Variants in TRPM5 observed in about 807,000 individuals in gnomAD.
TRPM5 encodes the protein transient receptor potential cation channel subfamily M member 5, also known as MLSN1 and TRP-related.
A neutral mutation model predicts 124.9 loss-of-function variants in TRPM5; 121 were observed. The observed-to-expected ratio is 0.97, with a 90% CI of 0.84 to 1.13. The LOEUF (loss-of-function observed/expected upper bound fraction) is 1.13, where lower values mean the gene tolerates loss of function less well. Among genes scored for constraint, TRPM5 ranks in the 50% most tolerant of loss-of-function variants. The pLI is 0.00. For missense variants in TRPM5, 1,643 were observed against 1,589.1 expected (o/e 1.03, Z -0.58); for synonymous variants, 781 against 700.5 (o/e 1.11, Z -1.81).
the TRPM5 span, among the ~76,000 whole-genome samples, chr11:2,430,111 TC>T: frequency 6.6e-6 from 1 of 152,252 alleles, no homozygotes. Flanking sequence ...GTCATGTTCC[TC>T]CCCGCCTACA....
At chr11:2,418,458 G>A (rs1845719865) in intron 5 of TRPM5, 69 bp downstream of exon 10, 1 of 1,558,484 alleles carries the variant, frequency 6.4e-7, no homozygotes. Flanking sequence ...CTGTCCCAGG[G>A]GTGCCCAGAA....
chr11:2,414,665 G>C (rs748482011), intron 11 of TRPM5, 50 bp downstream of exon 16: 11 of 1,479,878 alleles, frequency 7.4e-6, no homozygotes, highest in Non-Finnish European at 8.0e-6. Flanking sequence ...CGACCCCTCC[G>C]TCACATCCTC....
At chr11:2,414,952 G>A (rs1333244162) in exon 10 of TRPM5, 12 of 1,606,896 alleles carry the variant, frequency 7.5e-6, no homozygotes, top group Admixed American at 5.0e-5. Flanking sequence ...TCTGCAGCAC[G>A]GCCCACAGGA....
At chr11:2,442,317 T>C in the TRPM5 span, among the ~76,000 whole-genome samples, 3 of 152,130 alleles carry the variant, frequency 2.0e-5, no homozygotes, top group African/African-American at 7.2e-5. This position sits in a 1 kb window ranked among gnomAD's most constrained non-coding sequence, Gnocchi z 5.9. Context: ...ATTTTTTAAA[T>C]CTGTATCACT....
rs962086862 is a variant in TRPM5 at position 2,406,205 on chromosome 11, C to G, written c.3252-114G>C. The G allele has an allele frequency of 5.4e-6, 6 of 1,109,082 alleles. No homozygotes were observed. The African/African-American group carries it at 9.2e-5, about 17-fold the overall frequency. The allele number at this position is 1,109,082 out of a possible 1,614,324, so 68.7% of individuals were successfully genotyped here. On this transcript the variant is annotated intron_variant, in intron 21 of 23. Coordinates refer to ENST00000155858, the Ensembl canonical transcript of TRPM5. ...TGCCCGAGTTTGGGGTGCCCTGGCCCTTTCCCTTCCTCCCTCATGCCCAGA... is the reference window on the plus strand; with the variant it reads ...TGCCCGAGTTTGGGGTGCCCTGGCCGTTTCCCTTCCTCCCTCATGCCCAGA...
chr11:2,406,985 A>G (rs1223866050), intron 20 of TRPM5, 134 bp downstream of exon 25: 6 of 1,320,520 alleles, frequency 4.5e-6, no homozygotes, highest in Admixed American at 5.7e-5. Flanking sequence ...GCCAGCCTGC[A>G]CAGAGCCCAG....
At chr11:2,406,594 C>A in intron 21 of TRPM5, 67 bp downstream of exon 26, 1 of 1,531,926 alleles carries the variant, frequency 6.5e-7, no homozygotes, top group South Asian at 1.3e-5. Context: ...CTGTCACTGG[C>A]GCCAATGGCA....
At chr11:2,413,345 C>G (rs192366667) in intron 13 of TRPM5, 119 bp from the exon 19 acceptor site, 15 of 1,307,540 alleles carry the variant, frequency 1.1e-5, no homozygotes, top group African/African-American at 1.5e-5. Context: ...GAGTGGGACC[C>G]GCAGGGAGGC....
At chr11:2,420,016 A>G (rs1845745517) in intron 4 of TRPM5, among the ~76,000 whole-genome samples, 1 of 152,036 alleles carries the variant, frequency 6.6e-6, no homozygotes, top group South Asian at 2.1e-4. Context: ...TGCCTCCTTC[A>G]CCACTCTGCC....
Position 2,415,471 on chromosome 11 carries a change from AC to A in TRPM5, c.1129-1del. On this transcript the variant is annotated splice_acceptor_variant, in intron 8 of 23. Transcript: ENST00000155858. LOFTEE classifies it high-confidence loss of function. ...ACCATCACCTCCTCCAGGTCACAGG[AC>A]TTGGCGGCCATGGGCACCCGAGGGA... 6.4e-7 allele frequency: 1 copy of A among 1,557,078 alleles called. No individual in the cohort carries two copies. The highest frequency in any genetic ancestry group is 1.7e-4 in the Middle Eastern group (1 of 5,884).
intron 2 of TRPM5, among the ~76,000 whole-genome samples, chr11:2,421,759 C>T (rs2133534840): frequency 6.6e-6 from 1 of 152,296 alleles, no homozygotes; most frequent in African/African-American, 2.4e-5. Context: ...CTGTATACAC[C>T]CGGGTGCTCT....
exon 24 of TRPM5, chr11:2,404,862 C>T (rs536895776): frequency 4.5e-5 from 59 of 1,302,674 alleles, no homozygotes; most frequent in Admixed American, 1.6e-4. Flanking sequence ...CGCTGGAGGT[C>T]GGCAAAGGTC....
chr11:2,410,320 A>G (rs934147919), intron 18 of TRPM5, among the ~76,000 whole-genome samples: 9 of 152,150 alleles, frequency 5.9e-5, no homozygotes, highest in African/African-American at 2.2e-4. Context: ...ACAAATATTT[A>G]TCGAGGGTCC....
At chr11:2,424,489 T>A (rs1845819328), upstream of TRPM5, among the ~76,000 whole-genome samples, 1 of 152,208 alleles carries the variant, frequency 6.6e-6, no homozygotes, top group Non-Finnish European at 1.5e-5. Context: ...AAGATGTAAG[T>A]AAAGATGAGG....
chr11:2,410,585 A>C (rs550578054), intron 18 of TRPM5: 1 of 416,244 alleles, frequency 2.4e-6, no homozygotes, highest in African/African-American at 2.1e-5. Context: ...GGGCCTGCAC[A>C]GGTCCCTGCC....
the TRPM5 span, among the ~76,000 whole-genome samples, chr11:2,442,699 T>A: frequency 6.6e-6 from 1 of 152,196 alleles, no homozygotes; most frequent in Non-Finnish European, 1.5e-5. The surrounding 1 kb of genome is among the most constrained non-coding windows in gnomAD (Gnocchi z 5.9). Flanking sequence ...TGATGAGGAG[T>A]GCACCTGTGC....
At chr11:2,438,392 C>T in the TRPM5 span, among the ~76,000 whole-genome samples, 2 of 152,198 alleles carry the variant, frequency 1.3e-5, no homozygotes, top group Non-Finnish European at 2.9e-5. This position sits in a 1 kb window ranked among gnomAD's most constrained non-coding sequence, Gnocchi z 5.9. Context: ...TGGCTGGATG[C>T]AGTGGCTCAC....
chr11:2,412,527 G>T lies in TRPM5; in HGVS notation c.2355+227C>A, dbSNP rs1000514464. On this transcript the variant is annotated intron_variant, in intron 15 of 23. Coordinates refer to ENST00000155858, the Ensembl canonical transcript of TRPM5. ...GACTCAGTCCGTGATACAGGTCAGG[G>T]TTCAGACTCTGACGAGGGAGACCAT... Among the ~76,000 whole-genome samples, 5 of 152,378 alleles carry T rather than the reference G, an allele frequency of 3.3e-5. No homozygotes were observed. In the East Asian group the frequency reaches 9.6e-4, roughly 29 times the overall value.
At chr11:2,439,898 T>G in the TRPM5 span, among the ~76,000 whole-genome samples, 1 of 152,176 alleles carries the variant, frequency 6.6e-6, no homozygotes, top group African/African-American at 2.4e-5. Context: ...CGCAGCACTA[T>G]TCACAATAAC....
Sources: gnomAD v4.1 joint callset for allele counts (sites outside exome capture counted in the v4.1 genomes callset) on GRCh38, gnomAD v4.1.1 for gene constraint, Gnocchi (gnomAD v3.1) non-coding constraint, MANE v1.5 for transcripts, NCBI Gene and HGNC (gene_info 2026-07-23, HGNC 2026-07-21) for gene names.